The following KSR1 variants were observed in gnomAD, a reference collection of about 807,000 sequenced individuals.
The protein encoded by KSR1 is kinase suppressor of ras 1.
A neutral mutation model predicts 92.9 loss-of-function variants in KSR1; 35 were observed. That is an observed-to-expected ratio of 0.38 (90% confidence interval 0.29 to 0.50). The LOEUF (loss-of-function observed/expected upper bound fraction) is 0.50. Ranked by LOEUF, KSR1 falls within the 20% of genes least tolerant of loss-of-function variation. The pLI is 0.94. For synonymous variants in KSR1, 467 were observed against 472.6 expected (o/e 0.99, Z 0.15); for missense variants, 972 against 1,158.5 (o/e 0.84, Z 2.34).
intron 1 of KSR1, among the ~76,000 whole-genome samples, chr17:27,502,748 G>C (rs2069236448): frequency 6.6e-6 from 1 of 152,200 alleles, no homozygotes; most frequent in Non-Finnish European, 1.5e-5. Flanking sequence ...CAGTTGTTGG[G>C]GGCTGGGGTG....
chr17:27,469,993 AGTGTGTGTGTGT>A (rs145390989), intron 1 of KSR1, among the ~76,000 whole-genome samples: 44 of 139,650 alleles, frequency 3.2e-4, no homozygotes, highest in South Asian at 2.5e-3. Context: ...ATGGAGATGG[AGTGTGTGTGTGT>A]GTGTGTGTGT....
rs1402991296 is a variant in KSR1 at position 27,624,794 on chromosome 17, C to G, written c.*1402C>G. 1 of 152,104 alleles carries G rather than the reference C, an allele frequency of 6.6e-6. No individual in the cohort carries two copies. Among genetic ancestry groups the G allele is most frequent in the Non-Finnish European group, 1.5e-5 (1 of 68,032 alleles). The allele number at this position is 152,104 out of a possible 1,614,324, so 9.4% of individuals were successfully genotyped here. Reference sequence around the variant, plus strand: ...GACTTGGGGAGGGAGGGGTGTGGCTCCCACCCCTTCCAGTTAAGACCTGCC... The same window carrying G: ...GACTTGGGGAGGGAGGGGTGTGGCTGCCACCCCTTCCAGTTAAGACCTGCC... On this transcript the variant is annotated 3_prime_UTR_variant, in exon 21 of 21. Coordinates refer to ENST00000644974, the MANE Select transcript of KSR1 (RefSeq NM_001394583.1).
intron 1 of KSR1, among the ~76,000 whole-genome samples, chr17:27,495,463 A>C (rs975058768): frequency 1.3e-5 from 2 of 152,172 alleles, no homozygotes; most frequent in African/African-American, 4.8e-5. Flanking sequence ...CTTGGAGGAC[A>C]TGTCTGCCCC....
At position 27,592,420 on chromosome 17, in the gene KSR1, C is replaced by T; in HGVS notation, c.1190C>T (p.Pro397Leu). 6.2e-7 allele frequency: 1 copy of T among 1,613,896 alleles called. No homozygotes were observed. Among genetic ancestry groups the T allele is most frequent in the Non-Finnish European group, 8.5e-7 (1 of 1,179,812 alleles). The part of the protein sequence containing the change: ...EAPACRISFL[P>L]LTRLRRTESV... Reference sequence around the variant, plus strand: ...CCTGCCTGTAGAATATCCTTCCTGCCACGTGAGTTTTCTGCCTTCCTCTCC... The same window carrying T: ...CCTGCCTGTAGAATATCCTTCCTGCTACGTGAGTTTTCTGCCTTCCTCTCC... The change falls in exon 8 of 21, where the codon CCA becomes CTA. Residue 397 changes from proline (P) to leucine (L), a missense_variant and splice_region_variant. This residue lies in a region of KSR1 where 611 missense variants were observed against 668.0 expected (regional missense o/e 0.91). Transcript: ENST00000644974.
At chr17:27,476,894 G>A (rs557670561) in intron 1 of KSR1, among the ~76,000 whole-genome samples, 2 of 152,214 alleles carry the variant, frequency 1.3e-5, no homozygotes, top group Non-Finnish European at 2.9e-5. Context: ...TTCAGGGCAA[G>A]TCCATAGAGT....
At chr17:27,521,929 T>C (rs1231936097) in intron 1 of KSR1, among the ~76,000 whole-genome samples, 3 of 152,206 alleles carry the variant, frequency 2.0e-5, no homozygotes, top group African/African-American at 7.2e-5. Context: ...CTTAGTTAGG[T>C]TTACTTTCTC....
chr17:27,543,486 T>C (rs944706188), intron 1 of KSR1, among the ~76,000 whole-genome samples: 1 of 152,216 alleles, frequency 6.6e-6, no homozygotes, highest in Non-Finnish European at 1.5e-5. Context: ...CTGTGTCCTT[T>C]ACCTGAAGAA....
chr17:27,588,582 T>G, intron 6 of KSR1, 47 bp downstream of exon 6: 1 of 1,516,064 alleles, frequency 6.6e-7, no homozygotes, highest in Non-Finnish European at 8.9e-7. Flanking sequence ...GCCGGGCTGG[T>G]ACCCAGATGG....
chr17:27,507,154 G>T (rs1024918036), intron 1 of KSR1, among the ~76,000 whole-genome samples: 3 of 152,196 alleles, frequency 2.0e-5, no homozygotes, highest in Non-Finnish European at 2.9e-5. Flanking sequence ...ATCTCTTTAG[G>T]CTGGGCAAGG....
chr17:27,621,790 C>A, intron 20 of KSR1: 1 of 744,870 alleles, frequency 1.3e-6, no homozygotes, highest in South Asian at 1.7e-5. Context: ...GGATGGAGTC[C>A]AGGATGGCCC....
intron 1 of KSR1, among the ~76,000 whole-genome samples, chr17:27,485,784 C>G (rs1380196574): frequency 6.6e-6 from 1 of 152,178 alleles, no homozygotes; most frequent in African/African-American, 2.4e-5. Context: ...CCAGACCTCA[C>G]TTTGCCATTT....
chr17:27,457,255 C>T (rs2019220395), intron 1 of KSR1, among the ~76,000 whole-genome samples: 1 of 152,136 alleles, frequency 6.6e-6, no homozygotes, highest in African/African-American at 2.4e-5. Context: ...CACCCGTGGG[C>T]CAGGGTGACG....
chr17:27,557,134 T>C (rs965708702), intron 2 of KSR1, among the ~76,000 whole-genome samples: 12 of 152,282 alleles, frequency 7.9e-5, no homozygotes, highest in Middle Eastern at 3.4e-3. Flanking sequence ...GGGGTGGGGA[T>C]AGGTCCTTGG....
At chr17:27,467,425 A>G (rs559820549) in intron 1 of KSR1, among the ~76,000 whole-genome samples, 1 of 152,374 alleles carries the variant, frequency 6.6e-6, no homozygotes, top group Non-Finnish European at 1.5e-5. Context: ...ATAGATGACT[A>G]AGAGAAATGG....
At chr17:27,488,045 G>GT (rs1232231846) in intron 1 of KSR1, among the ~76,000 whole-genome samples, 2 of 152,220 alleles carry the variant, frequency 1.3e-5, no homozygotes, top group African/African-American at 4.8e-5. Flanking sequence ...CACATACCCA[G>GT]TCCCACTGCC....
At chr17:27,511,800 C>T (rs1413357086) in intron 1 of KSR1, among the ~76,000 whole-genome samples, 6 of 152,218 alleles carry the variant, frequency 3.9e-5, no homozygotes, top group Admixed American at 2.6e-4. Context: ...CCGGCGAGAC[C>T]GTTGGTGTGA....
chr17:27,554,717 G>GTAA (rs1424347028), intron 2 of KSR1, among the ~76,000 whole-genome samples: 1 of 152,170 alleles, frequency 6.6e-6, no homozygotes, highest in Non-Finnish European at 1.5e-5. Context: ...CATGATAAAT[G>GTAA]TAATGCACTT....
chr17:27,544,002 G>A (rs1375842209), intron 1 of KSR1, among the ~76,000 whole-genome samples: 2 of 152,170 alleles, frequency 1.3e-5, no homozygotes, highest in Non-Finnish European at 2.9e-5. Context: ...AGAACCTGTC[G>A]GCTTCGCCTG....
rs146620888 is a variant in KSR1, at chr17:27,496,877, G to A, written c.231+40003G>A. ...ATTTGCTAGCAGCCACAGCCCTGCCGTGTCCTCCTCTGAGATGAGAGTGTG... is the reference window on the plus strand; with the variant it reads ...ATTTGCTAGCAGCCACAGCCCTGCCATGTCCTCCTCTGAGATGAGAGTGTG... On this transcript the variant is annotated intron_variant, in intron 1 of 20. Transcript: ENST00000644974. 5.3e-3 allele frequency among the ~76,000 whole-genome samples: 812 copies of A among 152,362 alleles called. 3 individuals are homozygous for A. The highest frequency in any genetic ancestry group is 0.018 in the African/African-American group (758 of 41,582).
Sources: gnomAD v4.1 joint callset for allele counts (sites outside exome capture counted in the v4.1 genomes callset) on GRCh38, gnomAD v4.1.1 for gene constraint, gnomAD v4.1.1 regional missense constraint, MANE v1.5 for transcripts, NCBI Gene and HGNC (gene_info 2026-07-23, HGNC 2026-07-21) for gene names.